Variants in F13B observed in about 807,000 individuals in gnomAD.
F13B encodes coagulation factor XIII B chain, also known as TGase.
In F13B, 58 loss-of-function variants were observed where a neutral mutation model predicts 79.8. The ratio of observed to expected loss-of-function variants is 0.73; its 90% CI spans 0.59 to 0.90. F13B has a LOEUF of 0.90. Among genes scored for constraint, F13B ranks in the 40% least tolerant of loss-of-function variants. The probability of loss-of-function intolerance (pLI) is 0.00; values close to 1 mark genes in which losing one functional copy is unlikely to be tolerated. For missense variants in F13B, 773 were observed against 777.0 expected (o/e 0.99, Z 0.06); for synonymous variants, 283 against 260.3 (o/e 1.09, Z -0.84).
chr1:197,046,630 T>C (rs533505333), intron 10 of F13B, among the ~76,000 whole-genome samples: 2 of 152,088 alleles, frequency 1.3e-5, no homozygotes, highest in Non-Finnish European at 2.9e-5. Flanking sequence ...CAAACTACCA[T>C]TGACTTTCTT....
At chr1:197,062,762 A>G in intron 2 of F13B, 95 bp downstream of exon 2, 2 of 1,191,958 alleles carry the variant, frequency 1.7e-6, no homozygotes, top group Admixed American at 3.5e-5. Context: ...ATCTACTAAA[A>G]GGTTTAACCG....
chr1:197,057,039 T>C lies in F13B; in HGVS notation c.1145A>G (p.Lys382Arg), dbSNP rs755966271. The change falls in exon 7 of 12, where the codon AAA (lysine) becomes AGA (arginine). Residue 382 changes from lysine (K) to arginine (R), a missense_variant. Transcript: ENST00000367412. ...GSNEITCNRG[K>R]WTLPPECVEN... The stretch of plus-strand genomic sequence containing the variant: ...AACACACTCAGGAGGAAGTGTCCAT[T>C]TTCCACGATTACAAGTTATCTCATT... 1.2e-5 allele frequency: 20 copies of C among 1,613,618 alleles called. No individual in the cohort carries two copies. In the East Asian group the frequency reaches 4.5e-4, roughly 36 times the overall value.
rs1229028221 is a variant in F13B, at chr1:197,060,362, T to G, written c.805+4A>C. ...TTTTGCGAGTATTAAATTTAAAAATTTACCTTCGCATACAGGAGATTCTGG... is the reference window on the plus strand; with the variant it reads ...TTTTGCGAGTATTAAATTTAAAAATGTACCTTCGCATACAGGAGATTCTGG... On this transcript the variant is annotated splice_donor_region_variant and intron_variant, in intron 5 of 11. Transcript: ENST00000367412. The G allele has an allele frequency of 1.9e-6, 3 of 1,609,144 alleles. No individual in the cohort carries two copies. The highest frequency in any genetic ancestry group is 2.6e-6 in the Non-Finnish European group (3 of 1,176,034).
At chr1:197,056,198 T>C (rs1655635263) in intron 7 of F13B, among the ~76,000 whole-genome samples, 1 of 152,168 alleles carries the variant, frequency 6.6e-6, no homozygotes, top group Non-Finnish European at 1.5e-5. Flanking sequence ...AACCTAAAGA[T>C]TATGGTCAAT....
At chr1:197,043,686 C>A (rs1655122634) in intron 10 of F13B, among the ~76,000 whole-genome samples, 1 of 151,666 alleles carries the variant, frequency 6.6e-6, no homozygotes. Flanking sequence ...GATTGTTAAA[C>A]TAGAAGAAAA....
At chr1:197,067,060 T>A (rs1656082973) in intron 1 of F13B, 100 bp downstream of exon 1, 1 of 573,824 alleles carries the variant, frequency 1.7e-6, no homozygotes, top group Non-Finnish European at 3.0e-6. Context: ...ATAAAATTGA[T>A]AATGAAAATA....
At chr1:197,052,588 G>A in intron 9 of F13B, 46 bp downstream of exon 9, 4 of 1,330,806 alleles carry the variant, frequency 3.0e-6, no homozygotes, top group Non-Finnish European at 4.3e-6. Flanking sequence ...CGAGGTAGCA[G>A]ATATTGGTCA....
intron 8 of F13B, among the ~76,000 whole-genome samples, chr1:197,054,139 G>T (rs1655554092): frequency 6.6e-6 from 1 of 151,994 alleles, no homozygotes; most frequent in African/African-American, 2.4e-5. Flanking sequence ...TCTTCATTTG[G>T]TATTTGCTTT....
At chr1:197,046,900 A>G (rs1655254108) in intron 10 of F13B, among the ~76,000 whole-genome samples, 1 of 152,218 alleles carries the variant, frequency 6.6e-6, no homozygotes, top group South Asian at 2.1e-4. Flanking sequence ...GACAAAAACA[A>G]GAAATGGGAA....
At chr1:197,050,617 GTGTTA>G (rs1306527201) in intron 10 of F13B, 75 bp downstream of exon 10, 12 of 1,209,834 alleles carry the variant, frequency 9.9e-6, no homozygotes, top group Non-Finnish European at 3.6e-6. Context: ...CATTATATTA[GTGTTA>G]TGTTAACTCA....
intron 10 of F13B, among the ~76,000 whole-genome samples, chr1:197,046,750 G>A (rs2125058470): frequency 6.6e-6 from 1 of 152,252 alleles, no homozygotes; most frequent in South Asian, 2.1e-4. Context: ...CAGGCTACCT[G>A]ACTTCAAACT....
chr1:197,053,335 C>T (rs1224713144), intron 8 of F13B, among the ~76,000 whole-genome samples: 3 of 152,098 alleles, frequency 2.0e-5, no homozygotes, highest in Admixed American at 6.6e-5. Context: ...CCATAATTCC[C>T]ATATGTCATG....
chr1:197,052,505 A>G (rs1264976314), intron 9 of F13B, 129 bp downstream of exon 9: 3 of 640,032 alleles, frequency 4.7e-6, no homozygotes, highest in Middle Eastern at 4.4e-4. Flanking sequence ...AAAGTAAAAT[A>G]AAATAAAATA....
chr1:197,064,512 T>C (rs1309727232), intron 1 of F13B, among the ~76,000 whole-genome samples: 2 of 152,136 alleles, frequency 1.3e-5, no homozygotes, highest in African/African-American at 4.8e-5. Context: ...GCCAATCACA[T>C]ATGAATTAAT....
chr1:197,057,483 T>C lies in F13B; in HGVS notation c.806-18A>G. On this transcript the variant is annotated intron_variant, in intron 5 of 11. Transcript: ENST00000367412. ...TCTTCTTCCTTATGGAAAAAATTAA[T>C]CAGCACCTTTAGTCATATAATTACA... 1.2e-6 allele frequency: 2 copies of C among 1,612,232 alleles called. No homozygotes were observed. The highest frequency in any genetic ancestry group is 1.7e-6 in the Non-Finnish European group (2 of 1,178,584).
rs561676858 is a variant in F13B, at chr1:197,046,098, C to G, written c.1738+4599G>C. Among the ~76,000 whole-genome samples the G allele has an allele frequency of 3.3e-5, 5 of 152,268 alleles. No homozygotes were observed. The South Asian group carries it at 1.0e-3, about 32-fold the overall frequency. On this transcript the variant is annotated intron_variant, in intron 10 of 11. Transcript: ENST00000367412. ...AAAGTGGAAGCATTTGCTTTGAAAA[C>G]TGGCACAAGACAGGGATGCCCTCTC... is the stretch of plus-strand genomic sequence containing the variant.
chr1:197,042,565 T>A (rs1223882936), intron 10 of F13B, among the ~76,000 whole-genome samples: 1 of 148,712 alleles, frequency 6.7e-6, no homozygotes, highest in East Asian at 2.0e-4. Context: ...ACACCTGTAA[T>A]CCCAGCACTT....
intron 10 of F13B, among the ~76,000 whole-genome samples, chr1:197,048,560 A>G (rs1655325564): frequency 6.6e-6 from 1 of 152,094 alleles, no homozygotes; most frequent in South Asian, 2.1e-4. Flanking sequence ...GACAATGCCA[A>G]TACACCAAGA....
chr1:197,044,599 C>A (rs868847648), intron 10 of F13B, among the ~76,000 whole-genome samples: 4 of 152,028 alleles, frequency 2.6e-5, no homozygotes, highest in African/African-American at 7.3e-5. Context: ...GACAGATCAA[C>A]GAGACAGAAG....
Sources: gnomAD v4.1 joint callset for allele counts (sites outside exome capture counted in the v4.1 genomes callset) on GRCh38, gnomAD v4.1.1 for gene constraint, MANE v1.5 for transcripts, NCBI Gene and HGNC (gene_info 2026-07-23, HGNC 2026-07-21) for gene names.